Variants in FREM2 observed in about 807,000 individuals in gnomAD.
FREM2 encodes FRAS1 related extracellular matrix 2.
In FREM2, 119 loss-of-function variants were observed where a neutral mutation model predicts 219.9. The observed-to-expected ratio is 0.54, with a 90% CI of 0.47 to 0.63. The LOEUF (loss-of-function observed/expected upper bound fraction) is 0.63, where lower values mean the gene tolerates loss of function less well. Among genes scored for constraint, FREM2 ranks in the 30% least tolerant of loss-of-function variants. The probability of loss-of-function intolerance (pLI) is 0.00; values close to 1 mark genes in which losing one functional copy is unlikely to be tolerated. For synonymous variants in FREM2, 1,562 were observed against 1,522.8 expected, an observed-to-expected ratio of 1.03 and a Z score of -0.60; for missense variants, 4,030 against 3,993.6, an observed-to-expected ratio of 1.01 and a Z score of -0.25.
At chr13:38,743,697 G>A (rs148922410) in intron 2 of FREM2, among the ~76,000 whole-genome samples, 58 of 152,234 alleles carry the variant, frequency 3.8e-4, no homozygotes, top group African/African-American at 1.4e-3. Flanking sequence ...AAGCCTGTGT[G>A]CCCCACCCCT....
intron 6 of FREM2, among the ~76,000 whole-genome samples, chr13:38,836,802 A>G (rs921096184): frequency 1.3e-5 from 2 of 151,626 alleles, no homozygotes; most frequent in Non-Finnish European, 2.9e-5. Context: ...CCCCTTTATC[A>G]TTCTTTATTG....
At chr13:38,822,901 G>A (rs1876123272) in intron 6 of FREM2, among the ~76,000 whole-genome samples, 1 of 152,076 alleles carries the variant, frequency 6.6e-6, no homozygotes, top group Non-Finnish European at 1.5e-5. Flanking sequence ...AATTATGGAA[G>A]ACACAATGAT....
intron 14 of FREM2, 115 bp downstream of exon 14, chr13:38,859,705 G>C: frequency 9.6e-7 from 1 of 1,045,736 alleles, no homozygotes; most frequent in Non-Finnish European, 1.4e-6. Flanking sequence ...TATTTTGTAA[G>C]TAGTGAAAAA....
chr13:38,830,443 A>G (rs1876463022), intron 6 of FREM2, among the ~76,000 whole-genome samples: 1 of 152,070 alleles, frequency 6.6e-6, no homozygotes, highest in Admixed American at 6.6e-5. Flanking sequence ...TCTGAATTGC[A>G]CTTTCCCCTC....
Position 38,691,835 on chromosome 13 carries a change from A to G in FREM2, c.4491A>G (p.Thr1497=), listed in dbSNP as rs781005476. The G allele has an allele frequency of 1.9e-6, 3 of 1,614,122 alleles. No homozygotes were observed. Among genetic ancestry groups the G allele is most frequent in the Non-Finnish European group, 2.5e-6 (3 of 1,180,014 alleles). The change falls in exon 1 of 24, where the codon ACA becomes ACG. Residue 1497 remains threonine, a synonymous_variant. Transcript: ENST00000280481. ...GAAACAAAATCTACTACATCCACAC[A>G]GCTGATGATGAAGTGAAAATGGACA... is the stretch of plus-strand genomic sequence containing the variant. The part of the protein sequence containing the change: ...LAGNKIYYIH[T]ADDEVKMDSF...
intron 6 of FREM2, among the ~76,000 whole-genome samples, chr13:38,841,485 G>A (rs765437827): frequency 6.6e-6 from 1 of 151,746 alleles, no homozygotes; most frequent in African/African-American, 2.4e-5. Context: ...CCTAGCGTCT[G>A]TATTTTTAAA....
chr13:38,884,957 T>G lies in FREM2; in HGVS notation c.*4170T>G, dbSNP rs993053281. The G allele has an allele frequency of 6.6e-6, 1 of 152,214 alleles. No individual in the cohort carries two copies. Among genetic ancestry groups the G allele is most frequent in the African/African-American group, 2.4e-5 (1 of 41,462 alleles). 9.4% of individuals were successfully genotyped at this position (152,214 alleles called of 1,614,324 possible). On this transcript the variant is annotated 3_prime_UTR_variant, in exon 24 of 24. Transcript: ENST00000280481. The stretch of plus-strand genomic sequence containing the variant: ...TAACATTAGTTCAGAGGTTAATATA[T>G]TTCCTGGAGGTGTTTTCCTAGAATT...
chr13:38,777,948 C>T (rs918367520), intron 4 of FREM2, among the ~76,000 whole-genome samples: 51 of 152,294 alleles, frequency 3.3e-4, no homozygotes, highest in African/African-American at 1.1e-3. Flanking sequence ...CCCAGACACT[C>T]GGTTTTCTTT....
chr13:38,692,954 A>C (rs1289306780), intron 1 of FREM2, among the ~76,000 whole-genome samples: 1 of 152,248 alleles, frequency 6.6e-6, no homozygotes, highest in East Asian at 1.9e-4. Flanking sequence ...ACCATTCCAA[A>C]AAAGCCTTCA....
intron 2 of FREM2, among the ~76,000 whole-genome samples, chr13:38,707,999 T>C (rs1057212795): frequency 6.6e-6 from 1 of 152,228 alleles, no homozygotes; most frequent in Non-Finnish European, 1.5e-5. Flanking sequence ...TGAATTTCTG[T>C]TGAGTAGGAT....
intron 2 of FREM2, among the ~76,000 whole-genome samples, chr13:38,741,698 C>T (rs1872256503): frequency 1.3e-5 from 2 of 152,174 alleles, no homozygotes; most frequent in Admixed American, 1.3e-4. Context: ...GTGTTGTTTT[C>T]ATTCCCTTAC....
chr13:38,701,391 G>A (rs1035473752), intron 2 of FREM2, among the ~76,000 whole-genome samples: 25 of 152,028 alleles, frequency 1.6e-4, no homozygotes, highest in African/African-American at 5.6e-4. Flanking sequence ...TTTGGTTTTC[G>A]TGCTTTATAT....
At position 38,856,184 on chromosome 13, in the gene FREM2, C is replaced by A; in HGVS notation, c.6984C>A (p.Asp2328Glu). 3 of 1,610,908 alleles carry A rather than the reference C, an allele frequency of 1.9e-6. No homozygotes were observed. Among genetic ancestry groups the A allele is most frequent in the Non-Finnish European group, 2.5e-6 (3 of 1,177,448 alleles). Residue 2328 changes from aspartate to glutamate, a missense_variant, in exon 12 of 24, where the codon GAC becomes GAA. By Grantham distance (45) the Asp-to-Glu change is conservative. Transcript: ENST00000280481. ...TGGTTGAAATCGAAGTTACCTTTGA[C>A]GGGGTGAGAGAGATGAGAGAGGCCT... ...QHVVEIEVTF[D>E]GVREMREAFT... is the part of the protein sequence containing the mutation.
rs1481947134 is a variant in FREM2, at chr13:38,886,365, T to C, written c.*5578T>C. On this transcript the variant is annotated 3_prime_UTR_variant, in exon 24 of 24. Coordinates refer to ENST00000280481, the MANE Select transcript of FREM2 (RefSeq NM_207361.6). Reference sequence around the variant, plus strand: ...ACACACACACACATACACACACATATATGTACATACATATATATATAGAGA... The same window carrying C: ...ACACACACACACATACACACACATACATGTACATACATATATATATAGAGA... 1 of 150,612 alleles carries C rather than the reference T, an allele frequency of 6.6e-6. No homozygotes were observed. The highest frequency in any genetic ancestry group is 1.5e-5 in the Non-Finnish European group (1 of 67,956). The allele number at this position is 150,612 out of a possible 1,614,324, so 9.3% of individuals were successfully genotyped here. A position where few individuals can be genotyped will look rare whatever the true frequency, so the allele number is the denominator to read the frequency against.
chr13:38,771,867 A>G (rs1593397353), intron 4 of FREM2, among the ~76,000 whole-genome samples: 2 of 152,206 alleles, frequency 1.3e-5, no homozygotes. Flanking sequence ...AAAATAAGAA[A>G]AAGTAATAAT....
chr13:38,709,418 T>G (rs915911138), intron 2 of FREM2, among the ~76,000 whole-genome samples: 12 of 152,136 alleles, frequency 7.9e-5, no homozygotes, highest in Admixed American at 7.9e-4. Context: ...TGTAAAATAT[T>G]ATATATGTAC....
intron 2 of FREM2, among the ~76,000 whole-genome samples, chr13:38,731,949 T>C (rs1871783828): frequency 6.6e-6 from 1 of 152,208 alleles, no homozygotes; most frequent in Admixed American, 6.5e-5. Flanking sequence ...ATTTGATACC[T>C]GGTATAAAAA....
At chr13:38,722,925 C>T (rs562259826) in intron 2 of FREM2, among the ~76,000 whole-genome samples, 242 of 152,064 alleles carry the variant, frequency 1.6e-3, no homozygotes, top group Non-Finnish European at 1.9e-3. Context: ...ATTTAAACTT[C>T]GAGGTATGCA....
chr13:38,825,354 C>T (rs1224866019), intron 6 of FREM2, among the ~76,000 whole-genome samples: 1 of 151,928 alleles, frequency 6.6e-6, no homozygotes, highest in Admixed American at 6.6e-5. Flanking sequence ...CCAGGACTAC[C>T]TTTCTTGATA....
Sources: allele counts gnomAD v4.1 joint callset (sites outside exome capture counted in the v4.1 genomes callset), GRCh38; gene constraint gnomAD v4.1.1; transcripts MANE v1.5; gene names NCBI Gene and HGNC (gene_info 2026-07-23, HGNC 2026-07-21).